ORC5: variants seen among roughly 807,000 people sequenced by gnomAD.
ORC5 encodes the protein origin recognition complex subunit 5.
In ORC5, 39 loss-of-function variants were observed where a neutral mutation model predicts 58.8. The observed-to-expected ratio is 0.66, with a 90% CI of 0.51 to 0.87. The LOEUF (loss-of-function observed/expected upper bound fraction) is 0.87. Ranked by LOEUF, ORC5 falls within the 40% of genes least tolerant of loss-of-function variation. ORC5 has a pLI of 0.00. For missense variants in ORC5, 493 were observed against 506.3 expected (o/e 0.97, Z 0.25); for synonymous variants, 218 against 177.6 (o/e 1.23, Z -1.81).
chr7:104,194,460 A>G (rs938419582), intron 5 of ORC5, among the ~76,000 whole-genome samples: 6 of 152,120 alleles, frequency 3.9e-5, no homozygotes, highest in African/African-American at 1.4e-4. Context: ...CCCAGTCTTA[A>G]TCCACAAAGC....
At chr7:104,174,576 G>C (rs1799282755) in intron 8 of ORC5, among the ~76,000 whole-genome samples, 2 of 152,152 alleles carry the variant, frequency 1.3e-5, no homozygotes, top group African/African-American at 4.8e-5. Flanking sequence ...TACCCCACCA[G>C]GAACAGCAGG....
intron 3 of ORC5, among the ~76,000 whole-genome samples, chr7:104,198,373 C>G (rs1799851723): frequency 6.6e-6 from 1 of 152,126 alleles, no homozygotes; most frequent in South Asian, 2.1e-4. Context: ...CTGAGGTGGT[C>G]ATAGATGGAC....
intron 9 of ORC5, among the ~76,000 whole-genome samples, chr7:104,167,335 A>G (rs1300446393): frequency 6.6e-6 from 1 of 152,192 alleles, no homozygotes; most frequent in Non-Finnish European, 1.5e-5. Context: ...CAGATGTTAG[A>G]ATACTTGTAT....
At chr7:104,146,193 A>G (rs148663896) in intron 12 of ORC5, among the ~76,000 whole-genome samples, 15 of 152,364 alleles carry the variant, frequency 9.8e-5, no homozygotes, top group African/African-American at 3.6e-4. Context: ...AGTATCTGAA[A>G]AAGTGAGAAA....
intron 10 of ORC5, among the ~76,000 whole-genome samples, chr7:104,166,151 T>A (rs1420458334): frequency 6.6e-6 from 1 of 151,948 alleles, no homozygotes; most frequent in Non-Finnish European, 1.5e-5. Flanking sequence ...TAGGAAACAA[T>A]AAAGAGGACC....
intron 1 of ORC5, among the ~76,000 whole-genome samples, chr7:104,207,524 T>C (rs968101551): frequency 1.3e-5 from 2 of 152,158 alleles, no homozygotes; most frequent in African/African-American, 2.4e-5. Context: ...TAAATGTCAT[T>C]GGGTTGGGGT....
At position 104,138,943 on chromosome 7, in the gene ORC5, T is replaced by C. The variant is rs1280915272; in HGVS notation, c.1150-2050A>G. 6.6e-6 allele frequency among the ~76,000 whole-genome samples: 1 copy of C among 152,194 alleles called. No individual in the cohort carries two copies. The highest frequency in any genetic ancestry group is 1.5e-5 in the Non-Finnish European group (1 of 68,024). ...TTAACATTCATATGGCCAACTAAAATATTAAGTTCTCTGAAATCTAAGAAA... is the reference window on the plus strand; with the variant it reads ...TTAACATTCATATGGCCAACTAAAACATTAAGTTCTCTGAAATCTAAGAAA... On this transcript the variant is annotated intron_variant, in intron 12 of 13. Transcript: ENST00000297431. This position sits in a 1 kb window ranked among gnomAD's most constrained non-coding sequence, Gnocchi z 4.7.
At chr7:104,173,532 T>C (rs1479025871) in intron 8 of ORC5, among the ~76,000 whole-genome samples, 2 of 152,262 alleles carry the variant, frequency 1.3e-5, no homozygotes, top group African/African-American at 4.8e-5. Context: ...CCCTCTGAAC[T>C]TTCTGCTTCC....
rs199700401 is a variant in ORC5 at position 104,185,571 on chromosome 7, A to C, written c.685-1400T>G. On this transcript the variant is annotated intron_variant, in intron 6 of 13. Transcript: ENST00000297431. ...ACTACCTGCGATTGTTATAAATGCA[A>C]GTTCTTGGCACCATCTCAGGCATAC... Among the ~76,000 whole-genome samples, 3 of 152,190 alleles carry C rather than the reference A, an allele frequency of 2.0e-5. No individual in the cohort carries two copies. The East Asian group carries it at 5.8e-4, about 29-fold the overall frequency.
Position 104,133,380 on chromosome 7 carries a change from T to A in ORC5, c.1262+3401A>T, listed in dbSNP as rs542788277. On this transcript the variant is annotated intron_variant, in intron 13 of 13. Transcript: ENST00000297431. The surrounding 1 kb of genome is among the most constrained non-coding windows in gnomAD (Gnocchi z 4.7). ...CTCAATAGGACTAATGGTTAAATAT[T>A]AGGAGTGGGGGAGAGAGAGATGTCA... 1.3e-5 allele frequency among the ~76,000 whole-genome samples: 2 copies of A among 152,128 alleles called. No homozygotes were observed. Among genetic ancestry groups the A allele is most frequent in the South Asian group, 4.2e-4 (2 of 4,812 alleles).
chr7:104,204,297 C>T, intron 1 of ORC5, 63 bp from the exon 2 acceptor site: 4 of 953,938 alleles, frequency 4.2e-6, no homozygotes, highest in Non-Finnish European at 4.9e-6. Flanking sequence ...CACTTATCAA[C>T]TTGTGAGAAA....
chr7:104,142,297 C>T (rs187072966), intron 12 of ORC5, among the ~76,000 whole-genome samples: 104 of 152,072 alleles, frequency 6.8e-4, no homozygotes, highest in African/African-American at 2.4e-3. Flanking sequence ...TAAAAGTAAA[C>T]GTAGGGAAAA....
chr7:104,141,521 T>C (rs1440781409), intron 12 of ORC5, among the ~76,000 whole-genome samples: 1 of 152,180 alleles, frequency 6.6e-6, no homozygotes, highest in East Asian at 1.9e-4. Flanking sequence ...TGGACCTCAA[T>C]TTTCAAAACC....
intron 12 of ORC5, among the ~76,000 whole-genome samples, chr7:104,156,776 T>C (rs1019312): frequency 0.053 from 8,097 of 151,976 alleles, 712 homozygotes; most frequent in African/African-American, 0.18. Flanking sequence ...ATATAATTCA[T>C]TGCCAATTTT....
At chr7:104,196,446 G>C (rs1799803249) in intron 4 of ORC5, among the ~76,000 whole-genome samples, 1 of 152,180 alleles carries the variant, frequency 6.6e-6, no homozygotes, top group Non-Finnish European at 1.5e-5. Context: ...ACAAAGAAAA[G>C]CAAGACTGTG....
rs1799378533 is a variant in ORC5 at position 104,178,968 on chromosome 7, G to T, written c.824+4975C>A. ...GAATAATTTTGTCAAAATTCTGAAGGTTATTTAAGGTTATTTTAGAAAGTA... is the reference window on the plus strand; with the variant it reads ...GAATAATTTTGTCAAAATTCTGAAGTTTATTTAAGGTTATTTTAGAAAGTA... On this transcript the variant is annotated intron_variant, in intron 8 of 13. Transcript: ENST00000297431. Among the ~76,000 whole-genome samples, 3 of 152,060 alleles carry T rather than the reference G, an allele frequency of 2.0e-5. No homozygotes were observed. The South Asian group carries it at 6.2e-4, about 32-fold the overall frequency.
At chr7:104,158,863 C>A (rs1379522185) in intron 12 of ORC5, among the ~76,000 whole-genome samples, 2 of 151,936 alleles carry the variant, frequency 1.3e-5, no homozygotes, top group African/African-American at 2.4e-5. Context: ...AATAGGAACA[C>A]TTTTACACTG....
At chr7:104,184,081 C>G in intron 7 of ORC5, 42 bp downstream of exon 7, 2 of 1,588,346 alleles carry the variant, frequency 1.3e-6, no homozygotes, top group Non-Finnish European at 1.7e-6. Flanking sequence ...TTGTAAAAAC[C>G]TTTCTCAAAA....
At position 104,132,455 on chromosome 7, in the gene ORC5, G is replaced by A. The variant is rs191324393; in HGVS notation, c.1262+4326C>T. On this transcript the variant is annotated intron_variant, in intron 13 of 13. Transcript: ENST00000297431. ...ATTTGTTCTCTGCCACAGGTGTCTG[G>A]AATGAGGCCAGCCTTCCTTTTCTTT... Among the ~76,000 whole-genome samples the A allele has an allele frequency of 1.3e-4, 20 of 152,194 alleles. No individual in the cohort carries two copies. The East Asian group carries it at 3.9e-3, about 29-fold the overall frequency.
Sources: gnomAD v4.1 joint callset for allele counts (sites outside exome capture counted in the v4.1 genomes callset) on GRCh38, gnomAD v4.1.1 for gene constraint, Gnocchi (gnomAD v3.1) non-coding constraint, MANE v1.5 for transcripts, NCBI Gene and HGNC (gene_info 2026-07-23, HGNC 2026-07-21) for gene names.